The following SLAMF7 variants were observed in gnomAD, a reference collection of about 807,000 sequenced individuals.
The protein encoded by SLAMF7 is SLAM family member 7, also known as 19A24 protein.
SLAMF7 carries 26 observed loss-of-function variants against 34.1 expected under a neutral mutation model. The observed-to-expected ratio is 0.76, with a 90% CI of 0.56 to 1.06. The LOEUF (loss-of-function observed/expected upper bound fraction) is 1.06, where lower values mean the gene tolerates loss of function less well. Among genes scored for constraint, SLAMF7 ranks in the 50% least tolerant of loss-of-function variants. The pLI, the probability that SLAMF7 is intolerant of heterozygous loss-of-function variation, is 0.00. For missense variants in SLAMF7, 399 were observed against 402.5 expected, an observed-to-expected ratio of 0.99 and a Z score of 0.07; for synonymous variants, 171 against 156.4, an observed-to-expected ratio of 1.09 and a Z score of -0.70.
chr1:160,748,491 A>G lies in SLAMF7; in HGVS notation c.353A>G (p.Gln118Arg). Residue 118 changes from glutamine to arginine, a missense_variant, in exon 2 of 7, where the codon CAG becomes CGG. Gln to Arg is a conservative substitution (Grantham distance 43). Transcript: ENST00000368043. The stretch of plus-strand genomic sequence containing the variant: ...TCATCACTCCAGCAGCCCTCCACCC[A>G]GGAGTACGTGCTGCATGTCTACGGT... Reference protein sequence around the residue: ...YSSSLQQPSTQEYVLHVYEHL... With the variant: ...YSSSLQQPSTREYVLHVYEHL... 1 of 1,613,580 alleles carries G rather than the reference A, an allele frequency of 6.2e-7. No homozygotes were observed. Among genetic ancestry groups the G allele is most frequent in the South Asian group, 1.1e-5 (1 of 91,052 alleles).
At chr1:160,746,280 A>G (rs984167231) in intron 1 of SLAMF7, among the ~76,000 whole-genome samples, 3 of 152,204 alleles carry the variant, frequency 2.0e-5, no homozygotes, top group African/African-American at 7.2e-5. Flanking sequence ...ATGAAATATG[A>G]TTTTTAATAT....
At position 160,749,961 on chromosome 1, in the gene SLAMF7, G is replaced by A. The variant is rs1238369872; in HGVS notation, c.517G>A (p.Glu173Lys). Reference sequence around the variant, plus strand: ...GAAGGCCCTGGGGCAAGCAGCCAATGAGTCCCATAATGGGTCCATCCTCCC... The same window carrying A: ...GAAGGCCCTGGGGCAAGCAGCCAATAAGTCCCATAATGGGTCCATCCTCCC... ...TWKALGQAAN[E>K]SHNGSILPIS... Residue 173 changes from glutamate to lysine, a missense_variant, in exon 3 of 7, where the codon GAG (glutamate) becomes AAG (lysine). Coordinates refer to ENST00000368043, the MANE Select transcript of SLAMF7 (RefSeq NM_021181.5). 2 of 1,614,022 alleles carry A rather than the reference G, an allele frequency of 1.2e-6. No homozygotes were observed. The highest frequency in any genetic ancestry group is 2.7e-5 in the African/African-American group (2 of 74,940).
chr1:160,748,251 CT>C lies in SLAMF7; in HGVS notation c.116del (p.Phe39SerfsTer3). 6 of 1,614,100 alleles carry C rather than the reference CT, an allele frequency of 3.7e-6. No individual in the cohort carries two copies. The highest frequency in any genetic ancestry group is 5.1e-6 in the Non-Finnish European group (6 of 1,179,970). On this transcript the variant is annotated frameshift_variant, in exon 2 of 7. Coordinates refer to ENST00000368043, the MANE Select transcript of SLAMF7 (RefSeq NM_021181.5). LOFTEE classifies it high-confidence loss of function. Reference protein sequence around the residue: ...ELVGSVGGAVTFPLKSKVKQV... With the variant: ...ELVGSVGGAVXFPLKSKVKQV... Reference sequence around the variant, plus strand: ...GTCGGTTCCGTTGGTGGGGCCGTGACTTTCCCCCTGAAGTCCAAAGTAAAGC... The same window carrying C: ...GTCGGTTCCGTTGGTGGGGCCGTGACTTCCCCCTGAAGTCCAAAGTAAAGC...
Position 160,751,424 on chromosome 1 carries a change from G to A in SLAMF7, c.849G>A (p.Glu283=). The A allele has an allele frequency of 3.1e-6, 5 of 1,613,800 alleles. No individual in the cohort carries two copies. The highest frequency in any genetic ancestry group is 4.2e-6 in the Non-Finnish European group (5 of 1,179,696). The change falls in exon 5 of 7, where the codon GAG becomes GAA. Residue 283 remains glutamate (E), a synonymous_variant. Transcript: ENST00000368043. ...NICPHSGENT[E]YDTIPHTNRT... The stretch of plus-strand genomic sequence containing the variant: ...GCCCCCATTCTGGAGAGAACACAGA[G>A]TACGACACAATCCCTCACACTAATG...
chr1:160,749,843 C>A lies in SLAMF7; in HGVS notation c.399C>A (p.Val133=). Residue 133 remains valine (V), a synonymous_variant, in exon 3 of 7, where the codon GTC becomes GTA. Coordinates refer to ENST00000368043, the MANE Select transcript of SLAMF7 (RefSeq NM_021181.5). ...CAGAGCACCTGTCAAAGCCTAAAGT[C>A]ACCATGGGTCTGCAGAGCAATAAGA... ...HVYEHLSKPK[V]TMGLQSNKNG... 1 of 1,606,012 alleles carries A rather than the reference C, an allele frequency of 6.2e-7. No homozygotes were observed. The highest frequency in any genetic ancestry group is 1.1e-5 in the South Asian group (1 of 90,222).
At position 160,753,590 on chromosome 1, in the gene SLAMF7, C is replaced by T. The variant is rs76802037; in HGVS notation, c.*413C>T. The T allele has an allele frequency of 8.8e-3, 1,588 of 180,126 alleles. 27 individuals are homozygous for T. The highest frequency in any genetic ancestry group is 0.049 in the South Asian group (381 of 7,854). The allele number at this position is 180,126 out of a possible 1,614,324, so 11.2% of individuals were successfully genotyped here. ...TGTCAGGATTATACCAAGAGTCTTG[C>T]TACCAGGAGGGCAAGAAGACCAAAA... On this transcript the variant is annotated 3_prime_UTR_variant, in exon 7 of 7. Coordinates refer to ENST00000368043, the MANE Select transcript of SLAMF7 (RefSeq NM_021181.5).
In SLAMF7 at chr1:160,739,490, A is replaced by G. The variant is rs568425830; in HGVS notation, c.55+134A>G. The G allele has an allele frequency of 9.8e-5, 68 of 696,792 alleles. No individual in the cohort carries two copies. In the African/African-American group the frequency reaches 1.0e-3, roughly 10 times the overall value. 43.2% of individuals were successfully genotyped at this position (696,792 alleles called of 1,614,324 possible). The stretch of plus-strand genomic sequence containing the variant: ...CTCATCTAACATTTGCTTTTTATCA[A>G]TCTCTGATCTCTGATTCTCAGGTCA... On this transcript the variant is annotated intron_variant, in intron 1 of 6. Coordinates refer to ENST00000368043, the MANE Select transcript of SLAMF7 (RefSeq NM_021181.5).
chr1:160,751,313 G>T, intron 4 of SLAMF7, 32 bp from the exon 5 acceptor site: 1 of 1,498,930 alleles, frequency 6.7e-7, no homozygotes, highest in South Asian at 1.1e-5. Flanking sequence ...GGTTGGAGAG[G>T]TGGCTTTGAT....
intron 1 of SLAMF7, 74 bp from the exon 2 acceptor site, chr1:160,748,120 G>T (rs1366907026): frequency 4.0e-6 from 6 of 1,491,104 alleles, no homozygotes; most frequent in South Asian, 1.3e-5. Flanking sequence ...GATCTCTCCA[G>T]GACCCAAAGG....
chr1:160,750,157 G>C lies in SLAMF7; in HGVS notation c.649+64G>C, dbSNP rs760681124. The stretch of plus-strand genomic sequence containing the variant: ...GGTCCTACACCTTCTTCAGCTCCTA[G>C]CCCCCATGGGAACAGACACTGTATG... On this transcript the variant is annotated intron_variant, in intron 3 of 6. Coordinates refer to ENST00000368043, the MANE Select transcript of SLAMF7 (RefSeq NM_021181.5). 6 of 1,583,268 alleles carry C rather than the reference G, an allele frequency of 3.8e-6. No individual in the cohort carries two copies. In the African/African-American group the frequency reaches 8.1e-5, roughly 21 times the overall value.
At chr1:160,748,611 G>A (rs1202375003) in intron 2 of SLAMF7, 97 bp downstream of exon 2, 5 of 1,161,390 alleles carry the variant, frequency 4.3e-6, no homozygotes, top group Admixed American at 2.4e-5. Flanking sequence ...ATAAACACTT[G>A]GCAAGAATGT....
At chr1:160,748,663 C>T (rs1017934257) in intron 2 of SLAMF7, 149 bp downstream of exon 2, 3 of 727,924 alleles carry the variant, frequency 4.1e-6, no homozygotes, top group South Asian at 3.8e-5. Context: ...ATGTAGCTGA[C>T]CCCTGAGGTC....
chr1:160,752,147 G>C (rs1170127645), intron 5 of SLAMF7, 39 bp from the exon 6 acceptor site: 2 of 1,515,980 alleles, frequency 1.3e-6, no homozygotes, highest in African/African-American at 2.7e-5. Flanking sequence ...TTCAGGAGGT[G>C]GGTGATGATT....
Position 160,753,205 on chromosome 1 carries a change from C to A in SLAMF7, c.*28C>A. 2.6e-6 allele frequency: 4 copies of A among 1,557,320 alleles called. No homozygotes were observed. The highest frequency in any genetic ancestry group is 2.2e-5 in the East Asian group (1 of 44,536). Reference sequence around the variant, plus strand: ...AGCAGTGCACTCCCCTAAGTCTCTGCTCAAAAAAAAAACAATTCTCGGCCC... The same window carrying A: ...AGCAGTGCACTCCCCTAAGTCTCTGATCAAAAAAAAAACAATTCTCGGCCC... On this transcript the variant is annotated 3_prime_UTR_variant, in exon 7 of 7. Transcript: ENST00000368043.
chr1:160,740,516 CAG>C (rs1663657755), intron 1 of SLAMF7, among the ~76,000 whole-genome samples: 1 of 152,138 alleles, frequency 6.6e-6, no homozygotes, highest in African/African-American at 2.4e-5. Context: ...TGAAAGGAGA[CAG>C]AGATTGTCCT....
chr1:160,743,219 G>A (rs1335618145), intron 1 of SLAMF7, among the ~76,000 whole-genome samples: 1 of 152,178 alleles, frequency 6.6e-6, no homozygotes, highest in African/African-American at 2.4e-5. Flanking sequence ...AATTTTCAGG[G>A]GATGTGTGAG....
intron 1 of SLAMF7, among the ~76,000 whole-genome samples, chr1:160,742,957 T>A (rs1021678644): frequency 3.3e-5 from 5 of 152,166 alleles, no homozygotes; most frequent in Admixed American, 2.6e-4. Context: ...GGCGGCAGAA[T>A]GGACCCAGAA....
chr1:160,750,866 C>A, intron 4 of SLAMF7: 1 of 227,388 alleles, frequency 4.4e-6, no homozygotes, highest in Non-Finnish European at 8.7e-6. Context: ...AGGATCAACC[C>A]AAGACCTCGC....
At chr1:160,740,101 T>G (rs1663610855) in intron 1 of SLAMF7, among the ~76,000 whole-genome samples, 1 of 152,066 alleles carries the variant, frequency 6.6e-6, no homozygotes, top group Non-Finnish European at 1.5e-5. Context: ...ATTATGTGTA[T>G]CTGAGCCTGC....
Sources: gnomAD v4.1 joint callset for allele counts (sites outside exome capture counted in the v4.1 genomes callset) on GRCh38, gnomAD v4.1.1 for gene constraint, MANE v1.5 for transcripts, NCBI Gene and HGNC (gene_info 2026-07-23, HGNC 2026-07-21) for gene names.